Variants in KCNMA1 observed in about 807,000 individuals in gnomAD.
KCNMA1 encodes Calcium-activated potassium channel subunit alpha-1.
In KCNMA1, 29 loss-of-function variants were observed where a neutral mutation model predicts 140.0. That is an observed-to-expected ratio of 0.21 (90% CI 0.15 to 0.28). The LOEUF is 0.28. KCNMA1 is among the 10% of genes least tolerant of loss of function. The probability of loss-of-function intolerance (pLI) is 1.00; values close to 1 mark genes in which losing one functional copy is unlikely to be tolerated. For missense variants in KCNMA1, 880 were observed against 1,602.2 expected (o/e 0.55, Z 7.70); for synonymous variants, 612 against 611.9 (o/e 1.00, Z 0.00).
chr10:77,214,365 T>A (rs906088118), intron 3 of KCNMA1, among the ~76,000 whole-genome samples: 1 of 152,120 alleles, frequency 6.6e-6, no homozygotes, highest in Non-Finnish European at 1.5e-5. Context: ...CAGTTACACT[T>A]TTTTTCCTAC....
At chr10:77,082,024 T>C (rs1341242107) in intron 12 of KCNMA1, among the ~76,000 whole-genome samples, 5 of 82,470 alleles carry the variant, frequency 6.1e-5, no homozygotes, top group African/African-American at 1.9e-4. Flanking sequence ...TTTTTTTTTT[T>C]TTTTTTTTTT....
intron 15 of KCNMA1, among the ~76,000 whole-genome samples, chr10:77,032,440 T>C (rs368157495): frequency 1.3e-5 from 2 of 152,160 alleles, no homozygotes; most frequent in African/African-American, 4.8e-5. Flanking sequence ...GCCTTCACAA[T>C]GTGATAAATG....
chr10:77,045,432 C>G (rs1484855762), intron 14 of KCNMA1, among the ~76,000 whole-genome samples: 1 of 152,212 alleles, frequency 6.6e-6, no homozygotes, highest in Non-Finnish European at 1.5e-5. Context: ...ACGGGATCAT[C>G]AGTGAGAACA....
intron 8 of KCNMA1, among the ~76,000 whole-genome samples, chr10:77,109,769 G>C (rs1386103595): frequency 1.3e-5 from 2 of 152,186 alleles, no homozygotes; most frequent in African/African-American, 4.8e-5. Context: ...GGGGAAGGGA[G>C]AGCTCTTGAA....
chr10:77,547,533 G>A (rs1341935515), intron 1 of KCNMA1, among the ~76,000 whole-genome samples: 10 of 152,168 alleles, frequency 6.6e-5, no homozygotes, highest in African/African-American at 1.7e-4. Flanking sequence ...CTGCCCAACC[G>A]GGCCCACCTC....
At chr10:77,385,956 A>T (rs1425773598) in intron 2 of KCNMA1, among the ~76,000 whole-genome samples, 1 of 152,198 alleles carries the variant, frequency 6.6e-6, no homozygotes, top group African/African-American at 2.4e-5. Context: ...CACAGGGCTT[A>T]AGCCAGGACA....
At chr10:76,933,418 G>A (rs1355098837) in intron 23 of KCNMA1, among the ~76,000 whole-genome samples, 2 of 152,134 alleles carry the variant, frequency 1.3e-5, no homozygotes, top group African/African-American at 4.8e-5. Context: ...ATCTACTCAG[G>A]TTAACAGTGC....
intron 1 of KCNMA1, among the ~76,000 whole-genome samples, chr10:77,625,139 A>G (rs963880613): frequency 1.3e-5 from 2 of 152,212 alleles, no homozygotes; most frequent in Non-Finnish European, 2.9e-5. Flanking sequence ...CACGCCTGTA[A>G]TCCCAGCACT....
chr10:77,012,049 G>A lies in KCNMA1; in HGVS notation c.2016-6C>T. On this transcript the variant is annotated splice_polypyrimidine_tract_variant and splice_region_variant and intron_variant, in intron 17 of 27. Coordinates refer to ENST00000286628, the MANE Select transcript of KCNMA1 (RefSeq NM_001161352.2). ...CCTTGCAGTAAAAAAATGCCCTGGAGAAAGAGAATGGAAAAACTGACACGT... is the reference window on the plus strand; with the variant it reads ...CCTTGCAGTAAAAAAATGCCCTGGAAAAAGAGAATGGAAAAACTGACACGT... 6.2e-7 allele frequency: 1 copy of A among 1,613,714 alleles called. No individual in the cohort carries two copies. The highest frequency in any genetic ancestry group is 8.5e-7 in the Non-Finnish European group (1 of 1,179,818).
At chr10:77,452,530 T>C (rs1028974449) in intron 1 of KCNMA1, among the ~76,000 whole-genome samples, 4 of 152,246 alleles carry the variant, frequency 2.6e-5, no homozygotes, top group Non-Finnish European at 5.9e-5. Flanking sequence ...ATAGTAATTA[T>C]ACACTTTATA....
intron 3 of KCNMA1, among the ~76,000 whole-genome samples, chr10:77,210,521 TC>T (rs2045707066): frequency 1.3e-5 from 2 of 152,108 alleles, no homozygotes; most frequent in South Asian, 4.2e-4. Context: ...AGACTCCCGC[TC>T]TCATTACTCC....
chr10:77,104,867 G>T (rs1164151260), intron 9 of KCNMA1, among the ~76,000 whole-genome samples: 1 of 152,222 alleles, frequency 6.6e-6, no homozygotes, highest in Admixed American at 6.5e-5. Context: ...GGCCATGGGA[G>T]CGTCACCAGC....
At chr10:77,316,945 T>TA (rs2081052631) in intron 2 of KCNMA1, among the ~76,000 whole-genome samples, 1 of 152,184 alleles carries the variant, frequency 6.6e-6, no homozygotes, top group Admixed American at 6.5e-5. Context: ...CCTGACTTGC[T>TA]GTGTGACCCT....
At chr10:77,415,792 C>T (rs1159187860) in intron 1 of KCNMA1, among the ~76,000 whole-genome samples, 1 of 152,184 alleles carries the variant, frequency 6.6e-6, no homozygotes, top group East Asian at 1.9e-4. Flanking sequence ...CAGTGCTGCC[C>T]CTGATGTGGT....
At chr10:77,182,610 A>G (rs1261544480) in intron 5 of KCNMA1, among the ~76,000 whole-genome samples, 1 of 152,204 alleles carries the variant, frequency 6.6e-6, no homozygotes, top group African/African-American at 2.4e-5. Flanking sequence ...TACTTTTTAA[A>G]TAATTAAGCC....
intron 1 of KCNMA1, among the ~76,000 whole-genome samples, chr10:77,607,373 G>A (rs955795301): frequency 6.6e-5 from 10 of 152,142 alleles, no homozygotes; most frequent in Non-Finnish European, 1.3e-4. Context: ...TATATGCTGA[G>A]GTGGGCTGAA....
intron 1 of KCNMA1, among the ~76,000 whole-genome samples, chr10:77,473,878 G>T (rs575986591): frequency 2.6e-5 from 4 of 152,190 alleles, no homozygotes; most frequent in African/African-American, 9.7e-5. Flanking sequence ...TTGAGGGCCA[G>T]TTAATATAAT....
intron 1 of KCNMA1, among the ~76,000 whole-genome samples, chr10:77,599,230 T>C (rs543972244): frequency 6.6e-6 from 1 of 152,356 alleles, no homozygotes; most frequent in Non-Finnish European, 1.5e-5. Context: ...ACACGGAGCC[T>C]TGGTTTCCTC....
At chr10:76,988,984 A>C (rs538349177) in intron 19 of KCNMA1, among the ~76,000 whole-genome samples, 9 of 152,184 alleles carry the variant, frequency 5.9e-5, no homozygotes, top group Non-Finnish European at 1.3e-4. Context: ...AGGTGTAACA[A>C]ATATGATGAG....
Sources: gnomAD v4.1 joint callset for allele counts (sites outside exome capture counted in the v4.1 genomes callset) on GRCh38, gnomAD v4.1.1 for gene constraint, MANE v1.5 for transcripts, NCBI Gene and HGNC (gene_info 2026-07-23, HGNC 2026-07-21) for gene names.